Variants in SOWAHC observed in about 807,000 individuals in gnomAD.
SOWAHC encodes sosondowah ankyrin repeat domain family member C, also known as ankyrin repeat domain-containing protein SOWAHC.
SOWAHC carries 12 observed loss-of-function variants against 14.4 expected under a neutral mutation model. The observed-to-expected ratio is 0.83, with a 90% CI of 0.53 to 1.35. The LOEUF (loss-of-function observed/expected upper bound fraction) is 1.35, where lower values mean the gene tolerates loss of function less well. Ranked by LOEUF, SOWAHC falls within the 40% of genes most tolerant of loss-of-function variation. The pLI is 0.00. For missense variants in SOWAHC, 771 were observed against 752.8 expected (o/e 1.02, Z -0.28); for synonymous variants, 398 against 347.0 (o/e 1.15, Z -1.63).
At position 109,614,961 on chromosome 2, in the gene SOWAHC, C is replaced by T. The variant is rs1700046446; in HGVS notation, c.472C>T (p.Arg158Trp). The T allele has an allele frequency of 6.5e-7, 1 of 1,527,440 alleles. No homozygotes were observed. The highest frequency in any genetic ancestry group is 2.5e-5 in the East Asian group (1 of 39,940). The allele number at this position is 1,527,440 out of a possible 1,614,324, so 94.6% of individuals were successfully genotyped here. ...CGCCGGGGCTCGCAGGAAGAACTCG[C>T]GGCGCGACGTGCAGCCCCTACCGCG... is the stretch of plus-strand genomic sequence containing the variant. ...LSAGARRKNSRRDVQPLPRTP... is the reference protein window; with the variant it reads ...LSAGARRKNSWRDVQPLPRTP... Residue 158 changes from arginine (R) to tryptophan (W), a missense_variant, in exon 1 of 1, where the codon CGG becomes TGG. Arg to Trp is a moderately radical substitution (Grantham distance 101). Transcript: ENST00000356454.
At position 109,616,170 on chromosome 2, in the gene SOWAHC, TCTTA is replaced by T; in HGVS notation, c.*107_*110del. The T allele has an allele frequency of 7.1e-7, 1 of 1,398,684 alleles. No individual in the cohort carries two copies. Among genetic ancestry groups the T allele is most frequent in the Non-Finnish European group, 9.3e-7 (1 of 1,077,046 alleles). The allele number at this position is 1,398,684 out of a possible 1,614,324, so 86.6% of individuals were successfully genotyped here. A position where few individuals can be genotyped will look rare whatever the true frequency, so the allele number is the denominator to read the frequency against. On this transcript the variant is annotated 3_prime_UTR_variant, in exon 1 of 1. Transcript: ENST00000356454. ...CAGAAGGACAAGCTAAATTATGCATTCTTACTTGAGGGATCGGAATGGATGGGGC... is the reference window on the plus strand; with the variant it reads ...CAGAAGGACAAGCTAAATTATGCATTCTTGAGGGATCGGAATGGATGGGGC...
rs759656781 is a variant in SOWAHC at position 109,616,360 on chromosome 2, T to TGAA, written c.*293_*294insGAA. 7.9e-4 allele frequency: 195 copies of TGAA among 247,752 alleles called. 1 individual carries two copies. The highest frequency in any genetic ancestry group is 2.5e-4 in the Non-Finnish European group (31 of 123,862). 15.3% of individuals were successfully genotyped at this position (247,752 alleles called of 1,614,324 possible). A position where few individuals can be genotyped will look rare whatever the true frequency, so the allele number is the denominator to read the frequency against. The stretch of plus-strand genomic sequence containing the variant: ...AAATTGGGGGAACAGAATGAATGAA[T>TGAA]TAATGAATGAGAGTTCCTTTGCTTT... On this transcript the variant is annotated 3_prime_UTR_variant, in exon 1 of 1. Coordinates refer to ENST00000356454, the MANE Select transcript of SOWAHC (RefSeq NM_023016.4).
rs1387182030 is a variant in SOWAHC at position 109,618,005 on chromosome 2, G to T, written c.*1938G>T. 2 of 144,172 alleles carry T rather than the reference G, an allele frequency of 1.4e-5. No individual in the cohort carries two copies. Among genetic ancestry groups the T allele is most frequent in the Non-Finnish European group, 3.1e-5 (2 of 64,578 alleles). 8.9% of individuals were successfully genotyped at this position (144,172 alleles called of 1,614,324 possible). A position where few individuals can be genotyped will look rare whatever the true frequency, so the allele number is the denominator to read the frequency against. ...ACTGCACTCCAGCCTGGGCAACGGA[G>T]ACTCTGTCTCAAAAAAAAAAAAAAA... On this transcript the variant is annotated 3_prime_UTR_variant, in exon 1 of 1. Transcript: ENST00000356454.
Position 109,615,058 on chromosome 2 carries a change from G to T in SOWAHC, c.569G>T (p.Ser190Ile). 1.3e-6 allele frequency: 2 copies of T among 1,549,150 alleles called. No individual in the cohort carries two copies. Among genetic ancestry groups the T allele is most frequent in the Non-Finnish European group, 1.7e-6 (2 of 1,146,738 alleles). Residue 190 changes from serine to isoleucine, a missense_variant, in exon 1 of 1, where the codon AGC (serine) becomes ATC (isoleucine). By Grantham distance (142) the Ser-to-Ile change is moderately radical. Coordinates refer to ENST00000356454, the MANE Select transcript of SOWAHC (RefSeq NM_023016.4). ...GGCTGCGAGGAGGCGGACAGGGGCAGCTCCCTTGTGGGGGCTACCGCACAG... is the reference window on the plus strand; with the variant it reads ...GGCTGCGAGGAGGCGGACAGGGGCATCTCCCTTGTGGGGGCTACCGCACAG... ...PHGCEEADRG[S>I]SLVGATAQRP... is the part of the protein sequence containing the mutation.
Position 109,614,425 on chromosome 2 carries a change from C to G in SOWAHC, c.-65C>G. The G allele has an allele frequency of 8.8e-7, 1 of 1,137,626 alleles. No individual in the cohort carries two copies. Among genetic ancestry groups the G allele is most frequent in the Non-Finnish European group, 1.1e-6 (1 of 910,524 alleles). The allele number at this position is 1,137,626 out of a possible 1,614,324, so 70.5% of individuals were successfully genotyped here. A position where few individuals can be genotyped will look rare whatever the true frequency, so the allele number is the denominator to read the frequency against. On this transcript the variant is annotated 5_prime_UTR_variant, in exon 1 of 1. Coordinates refer to ENST00000356454, the MANE Select transcript of SOWAHC (RefSeq NM_023016.4). The stretch of plus-strand genomic sequence containing the variant: ...CTCCGCCGCCGTCGGGAGCCGGCCG[C>G]TGGGAGCCCGTCGCTATGGGACCGC...
rs1298568823 is a variant in SOWAHC at position 109,615,158 on chromosome 2, G to T, written c.669G>T (p.Gly223=). 1.3e-6 allele frequency: 2 copies of T among 1,549,234 alleles called. No individual in the cohort carries two copies. The highest frequency in any genetic ancestry group is 8.7e-7 in the Non-Finnish European group (1 of 1,146,780). The change falls in exon 1 of 1, where the codon GGG becomes GGT. Residue 223 remains glycine (G), a synonymous_variant. Coordinates refer to ENST00000356454, the MANE Select transcript of SOWAHC (RefSeq NM_023016.4). The part of the protein sequence containing the change: ...SPQLKRSVCP[G]GSSPGSSSGG... Reference sequence around the variant, plus strand: ...AGCTGAAGAGGAGCGTGTGTCCCGGGGGCAGCAGCCCGGGCAGCTCCTCCG... The same window carrying T: ...AGCTGAAGAGGAGCGTGTGTCCCGGTGGCAGCAGCCCGGGCAGCTCCTCCG...
rs1407979205 is a variant in SOWAHC, at chr2:109,617,451, C to T, written c.*1384C>T. The T allele has an allele frequency of 6.0e-6, 1 of 167,040 alleles. No individual in the cohort carries two copies. The highest frequency in any genetic ancestry group is 1.5e-5 in the Non-Finnish European group (1 of 68,114). The allele number at this position is 167,040 out of a possible 1,614,324, so 10.3% of individuals were successfully genotyped here. On this transcript the variant is annotated 3_prime_UTR_variant, in exon 1 of 1. Transcript: ENST00000356454. Reference sequence around the variant, plus strand: ...ATTAGAGTAAATGGCTTCATAACTACTTTAAAATTTAACCCACAAGCATAT... The same window carrying T: ...ATTAGAGTAAATGGCTTCATAACTATTTTAAAATTTAACCCACAAGCATAT...
chr2:109,618,581 G>A lies in SOWAHC; in HGVS notation c.*2514G>A, dbSNP rs886426360. Reference sequence around the variant, plus strand: ...CTTTTGTGCAGTAAGTAGCATTTTCGGCTACTTAACTTTACATTCCTCTTA... The same window carrying A: ...CTTTTGTGCAGTAAGTAGCATTTTCAGCTACTTAACTTTACATTCCTCTTA... On this transcript the variant is annotated 3_prime_UTR_variant, in exon 1 of 1. Coordinates refer to ENST00000356454, the MANE Select transcript of SOWAHC (RefSeq NM_023016.4). 9 of 166,724 alleles carry A rather than the reference G, an allele frequency of 5.4e-5. No homozygotes were observed. The highest frequency in any genetic ancestry group is 1.0e-4 in the Non-Finnish European group (7 of 68,078). 10.3% of individuals were successfully genotyped at this position (166,724 alleles called of 1,614,324 possible).
At position 109,615,321 on chromosome 2, in the gene SOWAHC, G is replaced by C; in HGVS notation, c.832G>C (p.Gly278Arg). 6.2e-7 allele frequency: 1 copy of C among 1,610,124 alleles called. No homozygotes were observed. The highest frequency in any genetic ancestry group is 8.5e-7 in the Non-Finnish European group (1 of 1,178,960). Residue 278 changes from glycine (G) to arginine (R), a missense_variant, in exon 1 of 1, where the codon GGC (glycine) becomes CGC (arginine). Gly to Arg is a moderately radical substitution (Grantham distance 125). Transcript: ENST00000356454. The part of the protein sequence containing the change: ...EHAWMLSASD[G>R]KWDSLEGLLT... ...CGCGTGGATGCTCTCTGCCTCCGAT[G>C]GCAAGTGGGACAGCCTGGAGGGCTT...
rs576462626 is a variant in SOWAHC, at chr2:109,614,784, G to T, written c.295G>T (p.Val99Leu). The change falls in exon 1 of 1, where the codon GTG becomes TTG. Residue 99 changes from valine (V) to leucine (L), a missense_variant. Val to Leu is a conservative substitution (Grantham distance 32, BLOSUM62 1). Coordinates refer to ENST00000356454, the MANE Select transcript of SOWAHC (RefSeq NM_023016.4). The stretch of plus-strand genomic sequence containing the variant: ...CTCCGGGGACCCGCCGCGAATCCAG[G>T]TGACCGCCGAGCCCGAGGCCCCCGA... ...EPSGDPPRIQ[V>L]TAEPEAPDGP... 5 of 1,476,980 alleles carry T rather than the reference G, an allele frequency of 3.4e-6. No homozygotes were observed. Among genetic ancestry groups the T allele is most frequent in the Admixed American group, 2.3e-5 (1 of 42,694 alleles). 91.5% of individuals were successfully genotyped at this position (1,476,980 alleles called of 1,614,324 possible). A position where few individuals can be genotyped will look rare whatever the true frequency, so the allele number is the denominator to read the frequency against.
In SOWAHC at chr2:109,616,228, A is replaced by G. The variant is rs4953847; in HGVS notation, c.*161A>G. Reference sequence around the variant, plus strand: ...GTTCTCTTCAGGCTAGCCTTCTGGGAAAAGTGGATGTCTTTTTCAGAGATT... The same window carrying G: ...GTTCTCTTCAGGCTAGCCTTCTGGGGAAAGTGGATGTCTTTTTCAGAGATT... On this transcript the variant is annotated 3_prime_UTR_variant, in exon 1 of 1. Coordinates refer to ENST00000356454, the MANE Select transcript of SOWAHC (RefSeq NM_023016.4). 171,966 of 1,158,282 alleles carry G rather than the reference A, an allele frequency of 0.15. 13,601 individuals carry two copies. Among genetic ancestry groups the G allele is most frequent in the African/African-American group, 0.28 (17,280 of 62,536 alleles). The allele number at this position is 1,158,282 out of a possible 1,614,324, so 71.8% of individuals were successfully genotyped here. A position where few individuals can be genotyped will look rare whatever the true frequency, so the allele number is the denominator to read the frequency against.
In SOWAHC at chr2:109,616,766, A is replaced by T. The variant is rs1468715365; in HGVS notation, c.*699A>T. 6.0e-6 allele frequency: 1 copy of T among 167,094 alleles called. No homozygotes were observed. Among genetic ancestry groups the T allele is most frequent in the Non-Finnish European group, 1.5e-5 (1 of 68,116 alleles). The allele number at this position is 167,094 out of a possible 1,614,324, so 10.4% of individuals were successfully genotyped here. ...GTAGTATGGTTTCCACCTATCTCTA[A>T]CACCACTATTAAGGTACACCAGTGT... On this transcript the variant is annotated 3_prime_UTR_variant, in exon 1 of 1. Transcript: ENST00000356454.
In SOWAHC at chr2:109,615,126, T is replaced by C; in HGVS notation, c.637T>C (p.Ser213Pro). The C allele has an allele frequency of 6.5e-7, 1 of 1,549,548 alleles. No individual in the cohort carries two copies. The highest frequency in any genetic ancestry group is 1.2e-5 in the South Asian group (1 of 84,036). Reference sequence around the variant, plus strand: ...CCTCCGTGACCTGGTGATGGGCAGCTCCCCGCAGCTGAAGAGGAGCGTGTG... The same window carrying C: ...CCTCCGTGACCTGGTGATGGGCAGCCCCCCGCAGCTGAAGAGGAGCGTGTG... The part of the protein sequence containing the change: ...QNLRDLVMGS[S>P]PQLKRSVCPG... Residue 213 changes from serine (S) to proline (P), a missense_variant, in exon 1 of 1, where the codon TCC becomes CCC. Physicochemically the swap from Ser to Pro is moderately conservative, Grantham distance 74 (BLOSUM62 -1). Coordinates refer to ENST00000356454, the MANE Select transcript of SOWAHC (RefSeq NM_023016.4).
chr2:109,614,654 C>T lies in SOWAHC; in HGVS notation c.165C>T (p.His55=), dbSNP rs1037166889. 2 of 1,476,966 alleles carry T rather than the reference C, an allele frequency of 1.4e-6. No individual in the cohort carries two copies. Among genetic ancestry groups the T allele is most frequent in the African/African-American group, 1.5e-5 (1 of 68,240 alleles). The allele number at this position is 1,476,966 out of a possible 1,614,324, so 91.5% of individuals were successfully genotyped here. A position where few individuals can be genotyped will look rare whatever the true frequency, so the allele number is the denominator to read the frequency against. Residue 55 remains histidine (H), a synonymous_variant, in exon 1 of 1, where the codon CAC becomes CAT. Transcript: ENST00000356454. ...EPEQRARARA[H]FKELVNAVAT... ...AGCAGCGCGCCCGCGCCCGCGCGCA[C>T]TTCAAGGAGCTGGTGAACGCCGTGG...
rs1224694193 is a variant in SOWAHC at position 109,618,790 on chromosome 2, G to C, written c.*2723G>C. On this transcript the variant is annotated 3_prime_UTR_variant, in exon 1 of 1. Transcript: ENST00000356454. ...TTCTTATAAGGTACACTTGAAACTAGTGAGTGTTTGTCACATTTCACTTTC... is the reference window on the plus strand; with the variant it reads ...TTCTTATAAGGTACACTTGAAACTACTGAGTGTTTGTCACATTTCACTTTC... The C allele has an allele frequency of 6.0e-6, 1 of 167,010 alleles. No individual in the cohort carries two copies. Among genetic ancestry groups the C allele is most frequent in the Non-Finnish European group, 1.5e-5 (1 of 68,094 alleles). 10.3% of individuals were successfully genotyped at this position (167,010 alleles called of 1,614,324 possible). A position where few individuals can be genotyped will look rare whatever the true frequency, so the allele number is the denominator to read the frequency against.
At position 109,614,383 on chromosome 2, in the gene SOWAHC, C is replaced by T. The variant is rs2106430579; in HGVS notation, c.-107C>T. Reference sequence around the variant, plus strand: ...GGCCTCAGACGCGTAGGCTGGCAGCCCGCTGAGCCCGCCAGACTCCGCCGC... The same window carrying T: ...GGCCTCAGACGCGTAGGCTGGCAGCTCGCTGAGCCCGCCAGACTCCGCCGC... On this transcript the variant is annotated 5_prime_UTR_variant, in exon 1 of 1. Transcript: ENST00000356454. 6.6e-6 allele frequency: 6 copies of T among 912,158 alleles called. No homozygotes were observed. In the South Asian group the frequency reaches 2.8e-4, roughly 43 times the overall value. The allele number at this position is 912,158 out of a possible 1,614,324, so 56.5% of individuals were successfully genotyped here. A position where few individuals can be genotyped will look rare whatever the true frequency, so the allele number is the denominator to read the frequency against.
In SOWAHC at chr2:109,615,807, C is replaced by G; in HGVS notation, c.1318C>G (p.His440Asp). 6.2e-7 allele frequency: 1 copy of G among 1,614,062 alleles called. No homozygotes were observed. The highest frequency in any genetic ancestry group is 1.7e-5 in the Admixed American group (1 of 60,026). The stretch of plus-strand genomic sequence containing the variant: ...CCTAGAAGATGGAGGGGACCATCAC[C>G]ACCATCACCACTCGGCTGAGGGGTG... ...HALEDGGDHH[H>D]HHHSAEGWVG... Residue 440 changes from histidine to aspartate, a missense_variant, in exon 1 of 1, where the codon CAC becomes GAC. Physicochemically the swap from His to Asp is moderately conservative, Grantham distance 81. Transcript: ENST00000356454.
At position 109,614,813 on chromosome 2, in the gene SOWAHC, C is replaced by A; in HGVS notation, c.324C>A (p.Gly108=). The stretch of plus-strand genomic sequence containing the variant: ...CCGCCGAGCCCGAGGCCCCCGACGG[C>A]CCTGCCGGGCCCGAGGCGCGCGATC... The part of the protein sequence containing the change: ...QVTAEPEAPD[G]PAGPEARDRL... Residue 108 remains glycine (G), a synonymous_variant, in exon 1 of 1, where the codon GGC becomes GGA. Coordinates refer to ENST00000356454, the MANE Select transcript of SOWAHC (RefSeq NM_023016.4). The A allele has an allele frequency of 6.9e-7, 1 of 1,454,192 alleles. No individual in the cohort carries two copies. Among genetic ancestry groups the A allele is most frequent in the South Asian group, 1.3e-5 (1 of 75,422 alleles). 90.1% of individuals were successfully genotyped at this position (1,454,192 alleles called of 1,614,324 possible). A position where few individuals can be genotyped will look rare whatever the true frequency, so the allele number is the denominator to read the frequency against.
Position 109,614,469 on chromosome 2 carries a change from G to A in SOWAHC, c.-21G>A. 2 of 1,218,408 alleles carry A rather than the reference G, an allele frequency of 1.6e-6. No homozygotes were observed. Among genetic ancestry groups the A allele is most frequent in the South Asian group, 3.9e-5 (1 of 25,868 alleles). 75.5% of individuals were successfully genotyped at this position (1,218,408 alleles called of 1,614,324 possible). On this transcript the variant is annotated 5_prime_UTR_variant, in exon 1 of 1. Transcript: ENST00000356454. Reference sequence around the variant, plus strand: ...GGACCGCGCTGAGCCGCCCGCTGGCGGGGGAGCAGCGCGGTCGAGGATGGA... The same window carrying A: ...GGACCGCGCTGAGCCGCCCGCTGGCAGGGGAGCAGCGCGGTCGAGGATGGA...
Sources: allele counts gnomAD v4.1 joint callset, GRCh38; gene constraint gnomAD v4.1.1; transcripts MANE v1.5; gene names NCBI Gene and HGNC (gene_info 2026-07-23, HGNC 2026-07-21).